The following DPP10 variants were observed in gnomAD, a reference collection of about 807,000 sequenced individuals.
The protein encoded by DPP10 is dipeptidyl peptidase like 10, also known as inactive dipeptidyl peptidase 10.
A neutral mutation model predicts 120.9 loss-of-function variants in DPP10; 33 were observed. That is an observed-to-expected ratio of 0.27 (90% confidence interval 0.21 to 0.37). The LOEUF (loss-of-function observed/expected upper bound fraction) is 0.37. Ranked by LOEUF, DPP10 falls within the 10% of genes least tolerant of loss-of-function variation. DPP10 has a pLI of 1.00. For missense variants in DPP10, 816 were observed against 942.8 expected (o/e 0.87, Z 1.76); for synonymous variants, 337 against 326.1 (o/e 1.03, Z -0.36).
At chr2:115,387,247 G>A (rs1310615181) in intron 3 of DPP10, among the ~76,000 whole-genome samples, 1 of 152,162 alleles carries the variant, frequency 6.6e-6, no homozygotes. Context: ...ATGGGGGTGA[G>A]GGGGCAAGAG....
chr2:114,653,625 G>A (rs375632359), intron 1 of DPP10, among the ~76,000 whole-genome samples: 6 of 152,268 alleles, frequency 3.9e-5, no homozygotes, highest in East Asian at 1.9e-4. Context: ...CTCCAAAGGG[G>A]ACTTCTGCAG....
intron 4 of DPP10, among the ~76,000 whole-genome samples, chr2:115,506,033 G>A (rs994084625): frequency 6.6e-6 from 1 of 151,698 alleles, no homozygotes. Flanking sequence ...ATTACTTTAT[G>A]ATGGAACTTA....
chr2:115,436,300 A>C (rs1448605659), intron 3 of DPP10, among the ~76,000 whole-genome samples: 1 of 151,842 alleles, frequency 6.6e-6, no homozygotes, highest in Non-Finnish European at 1.5e-5. Context: ...GCAATAGATA[A>C]AATTTGGTTT....
At chr2:115,270,915 A>G (rs956898983) in intron 1 of DPP10, among the ~76,000 whole-genome samples, 1 of 152,174 alleles carries the variant, frequency 6.6e-6, no homozygotes, top group Non-Finnish European at 1.5e-5. Flanking sequence ...TCTTCATTAA[A>G]AAGCTGCAAA....
intron 7 of DPP10, among the ~76,000 whole-genome samples, chr2:115,696,490 A>G (rs952791290): frequency 6.6e-6 from 1 of 152,212 alleles, no homozygotes; most frequent in Non-Finnish European, 1.5e-5. Context: ...AAATCTGTTA[A>G]CCAAAAATTT....
At chr2:115,379,752 G>GT (rs1224972273) in intron 3 of DPP10, among the ~76,000 whole-genome samples, 7 of 152,032 alleles carry the variant, frequency 4.6e-5, no homozygotes, top group African/African-American at 1.7e-4. Flanking sequence ...GGTATGTTGT[G>GT]TATTTGTTCT....
rs1374011895 is a variant in DPP10 at position 115,241,009 on chromosome 2, G to A, written c.61-68230G>A. ...GTGTTGGTCGGGCGCAGTGGCTCAC[G>A]CCTGTAATCCCAGCACTTTGGGAGT... On this transcript the variant is annotated intron_variant, in intron 1 of 25. Transcript: ENST00000410059. 3.9e-5 allele frequency among the ~76,000 whole-genome samples: 6 copies of A among 152,150 alleles called. No homozygotes were observed. The East Asian group carries it at 5.8e-4, about 15-fold the overall frequency.
chr2:114,927,824 G>C (rs1435843904), intron 1 of DPP10, among the ~76,000 whole-genome samples: 1 of 152,226 alleles, frequency 6.6e-6, no homozygotes. Flanking sequence ...ATGCTCAGCT[G>C]CTGGTGAGGG....
chr2:115,655,057 AAAAAAT>A (rs2088171710), intron 5 of DPP10, among the ~76,000 whole-genome samples: 1 of 151,738 alleles, frequency 6.6e-6, no homozygotes, highest in Admixed American at 6.6e-5. Flanking sequence ...ATACTTGGAA[AAAAAAT>A]TAATGTTTCT....
At chr2:115,749,810 G>A (rs906888025) in intron 10 of DPP10, among the ~76,000 whole-genome samples, 1 of 152,160 alleles carries the variant, frequency 6.6e-6, no homozygotes, top group African/African-American at 2.4e-5. Context: ...AGCAATGATT[G>A]GACAGGAAGG....
At chr2:114,685,746 A>T (rs1453362044) in intron 1 of DPP10, among the ~76,000 whole-genome samples, 1 of 151,846 alleles carries the variant, frequency 6.6e-6, no homozygotes, top group East Asian at 1.9e-4. Flanking sequence ...GCTCCTGGTA[A>T]TTAGTTTATT....
chr2:115,304,960 AAT>A (rs2061300449), intron 1 of DPP10, among the ~76,000 whole-genome samples: 1 of 152,062 alleles, frequency 6.6e-6, no homozygotes, highest in African/African-American at 2.4e-5. Context: ...ATGTAATGTA[AAT>A]AGTTAGGTTA....
chr2:115,286,523 T>TA (rs1559366816), intron 1 of DPP10, among the ~76,000 whole-genome samples: 148 of 43,392 alleles, frequency 3.4e-3, no homozygotes, highest in African/African-American at 8.4e-3. Context: ...AATATATATA[T>TA]ATAATATATA....
intron 1 of DPP10, among the ~76,000 whole-genome samples, chr2:114,673,904 C>T (rs558398233): frequency 9.9e-5 from 15 of 152,092 alleles, no homozygotes; most frequent in South Asian, 2.1e-4. Flanking sequence ...TATGGATACT[C>T]GAACCTGAAT....
intron 21 of DPP10, among the ~76,000 whole-genome samples, chr2:115,826,271 A>G (rs889066406): frequency 1.4e-4 from 22 of 152,188 alleles, no homozygotes; most frequent in African/African-American, 4.8e-4. Context: ...ATGACTTCCT[A>G]CAATTTTTAT....
chr2:114,880,176 G>T (rs1691491463), intron 1 of DPP10, among the ~76,000 whole-genome samples: 2 of 152,116 alleles, frequency 1.3e-5, no homozygotes, highest in Admixed American at 6.6e-5. Flanking sequence ...AAATAAATCT[G>T]CATAAAAGAC....
intron 3 of DPP10, among the ~76,000 whole-genome samples, chr2:115,378,891 AGG>A (rs1304398086): frequency 1.3e-4 from 20 of 152,138 alleles, no homozygotes; most frequent in African/African-American, 4.6e-4. Context: ...CTTGCATCCC[AGG>A]GATGAAGCCC....
At chr2:115,789,094 G>A (rs1006422398) in intron 17 of DPP10, among the ~76,000 whole-genome samples, 1 of 151,702 alleles carries the variant, frequency 6.6e-6, no homozygotes, top group Non-Finnish European at 1.5e-5. Flanking sequence ...CTCGAGCCTG[G>A]GCAAAAGAAT....
intron 1 of DPP10, among the ~76,000 whole-genome samples, chr2:114,982,254 A>G (rs536157804): frequency 1.4e-4 from 22 of 152,332 alleles, no homozygotes; most frequent in African/African-American, 5.3e-4. Context: ...TTCTTTAAGG[A>G]TTACTACAAA....
Sources: gnomAD v4.1 joint callset for allele counts (sites outside exome capture counted in the v4.1 genomes callset) on GRCh38, gnomAD v4.1.1 for gene constraint, MANE v1.5 for transcripts, NCBI Gene and HGNC (gene_info 2026-07-23, HGNC 2026-07-21) for gene names.